NBPF26: variants seen among roughly 807,000 people sequenced by gnomAD.
NBPF26 encodes the protein NBPF member 26, also known as NBPF family member NBPF26.
NBPF26 carries 79 observed loss-of-function variants against 119.6 expected under a neutral mutation model. The observed-to-expected ratio is 0.66, with a 90% CI of 0.55 to 0.80. The LOEUF is 0.80. Among genes scored for constraint, NBPF26 ranks in the 30% least tolerant of loss-of-function variants. NBPF26 has a pLI of 0.00. For missense variants in NBPF26, 800 were observed against 1,198.2 expected, an observed-to-expected ratio of 0.67 and a Z score of 4.91; for synonymous variants, 299 against 457.7, an observed-to-expected ratio of 0.65 and a Z score of 4.43.
In NBPF26 at chr1:120,742,306, T is replaced by C. The variant is rs1650947305; in HGVS notation, c.73+18056T>C. Among the ~76,000 whole-genome samples, 2 of 30,814 alleles carry C rather than the reference T, an allele frequency of 6.5e-5. 1 individual carries two copies. Among genetic ancestry groups the C allele is most frequent in the Non-Finnish European group, 1.0e-4 (2 of 19,750 alleles). 20.2% of individuals were successfully genotyped at this position (30,814 alleles called of 152,430 possible). ...AGTATCTCTGATTTAACTCTGTGTG[T>C]GTGTGCGTGTGTGTGTGTGTGTGTG... is the stretch of plus-strand genomic sequence containing the variant. On this transcript the variant is annotated intron_variant, in intron 1 of 29. Coordinates refer to ENST00000620612, the Ensembl canonical transcript of NBPF26.
At chr1:120,755,143 T>C in intron 1 of NBPF26, among the ~76,000 whole-genome samples, 1 of 95,166 alleles carries the variant, frequency 1.1e-5, no homozygotes, top group Non-Finnish European at 2.2e-5. Flanking sequence ...GAGCCAGCAC[T>C]TATAATACAT....
Position 120,742,371 on chromosome 1 carries a change from G to T in NBPF26, c.73+18121G>T, listed in dbSNP as rs1650948306. Among the ~76,000 whole-genome samples the T allele has an allele frequency of 7.7e-5, 2 of 25,832 alleles. 1 individual carries two copies. Among genetic ancestry groups the T allele is most frequent in the African/African-American group, 1.2e-3 (2 of 1,622 alleles). The allele number at this position is 25,832 out of a possible 152,430, so 16.9% of individuals were successfully genotyped here. ...TGTGTGTGTGTTGGGAGGAGGAATA[G>T]ACCTTGGAATTGTTTTTTCAAAACT... On this transcript the variant is annotated intron_variant, in intron 1 of 29. Coordinates refer to ENST00000620612, the Ensembl canonical transcript of NBPF26.
intron 10 of NBPF26, among the ~76,000 whole-genome samples, 167 bp downstream of exon 10, chr1:120,812,262 A>G (rs1437405051): frequency 9.7e-6 from 1 of 102,998 alleles, no homozygotes; most frequent in African/African-American, 6.0e-5. Flanking sequence ...CAGAGGTACC[A>G]AAGTATTTAG....
chr1:120,801,593 G>C (rs1456597157), intron 4 of NBPF26, among the ~76,000 whole-genome samples: 3 of 100,032 alleles, frequency 3.0e-5, no homozygotes, highest in Non-Finnish European at 5.5e-5. Flanking sequence ...ACTTTTGGAG[G>C]CCTAGGTGGG....
downstream of NBPF26, chr1:120,840,863 G>T (rs1652507099): frequency 1.4e-5 from 7 of 501,248 alleles, 1 homozygote; most frequent in South Asian, 1.2e-4. Flanking sequence ...ACGTATCTCT[G>T]GGTAGCTACA....
Position 120,752,565 on chromosome 1 carries a change from TTTTTTTTTTC to T in NBPF26, c.74-11053_74-11044del, listed in dbSNP as rs1651034843. Among the ~76,000 whole-genome samples the T allele has an allele frequency of 6.7e-4, 20 of 29,956 alleles. 1 individual carries two copies. Among genetic ancestry groups the T allele is most frequent in the African/African-American group, 3.0e-3 (10 of 3,288 alleles). The allele number at this position is 29,956 out of a possible 152,430, so 19.7% of individuals were successfully genotyped here. On this transcript the variant is annotated intron_variant, in intron 1 of 29. Coordinates refer to ENST00000620612, the Ensembl canonical transcript of NBPF26. ...ATATATATATATATATTTTTTTTTT[TTTTTTTTTTC>T]TTTTTTTTTTTTTCAGGCAGAGTCT...
chr1:120,818,210 G>A, intron 15 of NBPF26, 36 bp downstream of exon 15: 1 of 474,534 alleles, frequency 2.1e-6, no homozygotes, highest in East Asian at 3.0e-5. Flanking sequence ...TAATTCAGTA[G>A]TGACATCTGG....
chr1:120,840,568 A>C, exon 30 of NBPF26: 1 of 1,465,624 alleles, frequency 6.8e-7, no homozygotes. Flanking sequence ...CTGGTGTTCC[A>C]GATGGGAGTC....
rs1651821493 is a variant in NBPF26, at chr1:120,810,104, C to G, written c.1352+221C>G. Among the ~76,000 whole-genome samples, 5 of 127,094 alleles carry G rather than the reference C, an allele frequency of 3.9e-5. No individual in the cohort carries two copies. The South Asian group carries it at 1.1e-3, about 29-fold the overall frequency. The allele number at this position is 127,094 out of a possible 152,430, so 83.4% of individuals were successfully genotyped here. The stretch of plus-strand genomic sequence containing the variant: ...CATACAGGGATAGCTGAGTCTTCAT[C>G]CTCCTCAGCTCCTATCTGTCCAGTG... On this transcript the variant is annotated intron_variant, in intron 8 of 29. Coordinates refer to ENST00000620612, the Ensembl canonical transcript of NBPF26.
rs1650783095 is a variant in NBPF26, at chr1:120,723,994, C to G, written c.-184C>G. On this transcript the variant is annotated 5_prime_UTR_variant, in exon 1 of 30. Transcript: ENST00000620612. ...GGCGGCGGCCGAGGAGCGGCGGACT[C>G]GGGGCGCGGGGAGTCGAGGCATTTG... 5.0e-6 allele frequency: 6 copies of G among 1,209,426 alleles called. 1 individual carries two copies. Among genetic ancestry groups the G allele is most frequent in the East Asian group, 6.4e-5 (2 of 31,280 alleles). 74.9% of individuals were successfully genotyped at this position (1,209,426 alleles called of 1,614,324 possible). A position where few individuals can be genotyped will look rare whatever the true frequency, so the allele number is the denominator to read the frequency against.
intron 2 of NBPF26, among the ~76,000 whole-genome samples, chr1:120,778,047 A>C (rs1651318023): frequency 1.1e-5 from 1 of 88,146 alleles, no homozygotes; most frequent in Admixed American, 1.1e-4. Flanking sequence ...GGTTCCAGCT[A>C]GCCTTGGCTG....
rs1421474587 is a variant in NBPF26 at position 120,724,343 on chromosome 1, G to A, written c.73+93G>A. 4 of 1,354,440 alleles carry A rather than the reference G, an allele frequency of 3.0e-6. No homozygotes were observed. The East Asian group carries it at 7.8e-5, about 26-fold the overall frequency. The allele number at this position is 1,354,440 out of a possible 1,614,324, so 83.9% of individuals were successfully genotyped here. On this transcript the variant is annotated intron_variant, in intron 1 of 29. Coordinates refer to ENST00000620612, the Ensembl canonical transcript of NBPF26. Reference sequence around the variant, plus strand: ...CCTCAGTCCTTCTCTGTGTGGGAAGGCCAGGCTCGGCCGCCGGCGCGGAGT... The same window carrying A: ...CCTCAGTCCTTCTCTGTGTGGGAAGACCAGGCTCGGCCGCCGGCGCGGAGT...
At chr1:120,830,142 T>C (rs1393040877) in intron 19 of NBPF26, among the ~76,000 whole-genome samples, 3 of 121,128 alleles carry the variant, frequency 2.5e-5, no homozygotes, top group African/African-American at 1.4e-4. Flanking sequence ...ACTCAGAGTG[T>C]CCTTTGACCC....
intron 13 of NBPF26, 35 bp downstream of exon 13, chr1:120,816,192 G>T: frequency 4.5e-6 from 2 of 445,476 alleles, no homozygotes; most frequent in African/African-American, 1.0e-4. Flanking sequence ...TTAATGGATG[G>T]TAACATATGA....
At chr1:120,832,612 G>A (rs1482246902) in intron 22 of NBPF26, among the ~76,000 whole-genome samples, 1 of 121,060 alleles carries the variant, frequency 8.3e-6, no homozygotes. Context: ...TAAAAATATG[G>A]CATAACTGTT....
At chr1:120,764,994 A>AT (rs1197614681) in intron 2 of NBPF26, among the ~76,000 whole-genome samples, 10 of 80,470 alleles carry the variant, frequency 1.2e-4, no homozygotes, top group East Asian at 7.5e-4. Flanking sequence ...TATAAACAAG[A>AT]TTTTTTTTTT....
intron 2 of NBPF26, among the ~76,000 whole-genome samples, chr1:120,780,026 A>G (rs1165478688): frequency 7.6e-6 from 1 of 131,362 alleles, no homozygotes; most frequent in Admixed American, 7.5e-5. Context: ...CTGTTATTCT[A>G]CCAGGCAGAT....
At chr1:120,770,860 A>C (rs1651255919) in intron 2 of NBPF26, among the ~76,000 whole-genome samples, 1 of 117,080 alleles carries the variant, frequency 8.5e-6, no homozygotes, top group South Asian at 2.5e-4. Flanking sequence ...GGGACTTTTC[A>C]GATCAGGAAT....
Position 120,817,101 on chromosome 1 carries a change from C to T in NBPF26, c.2371+274C>T, listed in dbSNP as rs1553271844. Among the ~76,000 whole-genome samples, 26 of 117,028 alleles carry T rather than the reference C, an allele frequency of 2.2e-4. 3 individuals are homozygous for T. The East Asian group carries it at 4.9e-3, about 22-fold the overall frequency. The allele number at this position is 117,028 out of a possible 152,430, so 76.8% of individuals were successfully genotyped here. ...CAGTATCTGTCAGGCCTCCTAGCTT[C>T]GATTCAATATCTCTTGTCATCTGTG... On this transcript the variant is annotated intron_variant, in intron 14 of 29. Transcript: ENST00000620612.
Sources: gnomAD v4.1 joint callset for allele counts (sites outside exome capture counted in the v4.1 genomes callset) on GRCh38, gnomAD v4.1.1 for gene constraint, MANE v1.5 for transcripts, NCBI Gene and HGNC (gene_info 2026-07-23, HGNC 2026-07-21) for gene names.